Variants in CYRIB observed in about 807,000 individuals in gnomAD.
CYRIB encodes CYFIP related Rac1 interactor B.
CYRIB carries 8 observed loss-of-function variants against 44.2 expected under a neutral mutation model. The observed-to-expected ratio is 0.18, with a 90% CI of 0.11 to 0.33. The LOEUF is 0.33. Among genes scored for constraint, CYRIB ranks in the 10% least tolerant of loss-of-function variants. The probability of loss-of-function intolerance (pLI) is 1.00; values close to 1 mark genes in which losing one functional copy is unlikely to be tolerated. For missense variants in CYRIB, 185 were observed against 382.8 expected, an observed-to-expected ratio of 0.48 and a Z score of 4.31; for synonymous variants, 131 against 127.2, an observed-to-expected ratio of 1.03 and a Z score of -0.20.
At chr8:129,939,412 C>A (rs1257864056) in intron 1 of CYRIB, among the ~76,000 whole-genome samples, 1 of 148,726 alleles carries the variant, frequency 6.7e-6, no homozygotes, top group African/African-American at 2.5e-5. Context: ...GGGGGCAGGC[C>A]GGGGCCGCGG....
At chr8:129,905,224 T>C (rs766826569) in intron 1 of CYRIB, among the ~76,000 whole-genome samples, 61 of 151,560 alleles carry the variant, frequency 4.0e-4, no homozygotes, top group Non-Finnish European at 8.3e-4. Flanking sequence ...GATTGATTGA[T>C]TGATTGATTT....
intron 1 of CYRIB, among the ~76,000 whole-genome samples, chr8:129,973,101 C>T (rs1261876947): frequency 2.0e-5 from 3 of 152,134 alleles, no homozygotes; most frequent in Non-Finnish European, 2.9e-5. Flanking sequence ...TTAAACCGTC[C>T]CAGCCACCCA....
intron 3 of CYRIB, among the ~76,000 whole-genome samples, chr8:129,873,634 T>C (rs867673467): frequency 6.6e-6 from 1 of 152,164 alleles, no homozygotes; most frequent in Middle Eastern, 3.4e-3. Flanking sequence ...AGTTTAGCTA[T>C]TATATATCAA....
At chr8:129,981,330 T>C (rs1228179178) in intron 1 of CYRIB, among the ~76,000 whole-genome samples, 5 of 152,126 alleles carry the variant, frequency 3.3e-5, no homozygotes, top group African/African-American at 9.7e-5. Context: ...GTTGGTTGGT[T>C]GGTAAAGATG....
At chr8:129,978,042 G>A (rs1178897277) in intron 1 of CYRIB, among the ~76,000 whole-genome samples, 1 of 152,068 alleles carries the variant, frequency 6.6e-6, no homozygotes, top group Non-Finnish European at 1.5e-5. Context: ...CCGAGTAGCT[G>A]GGGTACTACT....
intron 2 of CYRIB, among the ~76,000 whole-genome samples, chr8:129,958,905 A>G (rs999548379): frequency 6.6e-6 from 1 of 151,984 alleles, no homozygotes; most frequent in East Asian, 1.9e-4. Context: ...TCTCTACTAA[A>G]GATACAAAAA....
At chr8:129,975,191 T>C (rs992072666) in intron 1 of CYRIB, among the ~76,000 whole-genome samples, 7 of 151,602 alleles carry the variant, frequency 4.6e-5, no homozygotes, top group African/African-American at 1.7e-4. Flanking sequence ...ATTTTTTTTA[T>C]TTCTTGTAGA....
chr8:129,868,765 G>C (rs1035054701), intron 4 of CYRIB: 1 of 151,396 alleles, frequency 6.6e-6, no homozygotes, highest in African/African-American at 2.4e-5. Flanking sequence ...GATTACAAAT[G>C]AATCTTAATA....
chr8:129,852,417 T>A (rs1197229454), intron 7 of CYRIB, 139 bp from the exon 10 acceptor site: 3 of 412,878 alleles, frequency 7.3e-6, no homozygotes, highest in African/African-American at 6.2e-5. Context: ...ATATTCTTTT[T>A]AAAAAAAAGT....
intron 1 of CYRIB, chr8:129,912,294 C>T (rs2078441724): frequency 6.6e-6 from 1 of 151,960 alleles, no homozygotes; most frequent in South Asian, 2.1e-4. Flanking sequence ...TATATATATG[C>T]TCCAAAATTA....
At chr8:129,943,018 C>T (rs1186449396), upstream of CYRIB, among the ~76,000 whole-genome samples, 2 of 151,892 alleles carry the variant, frequency 1.3e-5, no homozygotes, top group Non-Finnish European at 2.9e-5. Flanking sequence ...GTTTTAAAAC[C>T]CTATAGAGAA....
chr8:129,908,179 C>G (rs957131403), intron 1 of CYRIB, among the ~76,000 whole-genome samples: 1 of 151,504 alleles, frequency 6.6e-6, no homozygotes, highest in Non-Finnish European at 1.5e-5. Flanking sequence ...ATATAAAGCA[C>G]TATAAAAAAT....
At chr8:129,864,237 G>T (rs1169442458) in intron 4 of CYRIB, among the ~76,000 whole-genome samples, 1 of 152,158 alleles carries the variant, frequency 6.6e-6, no homozygotes, top group Non-Finnish European at 1.5e-5. Context: ...TAGAAATATT[G>T]TAACATTGAA....
intron 2 of CYRIB, among the ~76,000 whole-genome samples, chr8:129,968,616 T>C (rs559674761): frequency 6.6e-6 from 1 of 152,358 alleles, no homozygotes; most frequent in African/African-American, 2.4e-5. Flanking sequence ...GGAATGACTT[T>C]GCGTTCGCAG....
At chr8:129,911,225 G>A (rs970462587) in intron 1 of CYRIB, among the ~76,000 whole-genome samples, 2 of 152,154 alleles carry the variant, frequency 1.3e-5, no homozygotes, top group African/African-American at 4.8e-5. Flanking sequence ...ATAAGCCTGT[G>A]AACCTAATAG....
At position 129,919,012 on chromosome 8, in the gene CYRIB, A is replaced by G. The variant is rs183233065; in HGVS notation, c.-49-15662T>C. Reference sequence around the variant, plus strand: ...TAAGGTGTGTCCACCACCGTTTTACAGATAGTTTTTAAATTATTTTATTTT... The same window carrying G: ...TAAGGTGTGTCCACCACCGTTTTACGGATAGTTTTTAAATTATTTTATTTT... On this transcript the variant is annotated intron_variant, in intron 1 of 11. Transcript: ENST00000519824. 2.4e-3 allele frequency among the ~76,000 whole-genome samples: 358 copies of G among 152,330 alleles called. 5 individuals carry two copies. Among genetic ancestry groups the G allele is most frequent in the African/African-American group, 8.2e-3 (339 of 41,582 alleles).
intron 4 of CYRIB, among the ~76,000 whole-genome samples, chr8:129,869,003 A>G (rs1171792898): frequency 6.7e-6 from 1 of 148,824 alleles, no homozygotes; most frequent in Admixed American, 6.7e-5. Flanking sequence ...TTCAAGACCA[A>G]CTTGGCCAAC....
At chr8:129,855,577 T>A (rs1427637146) in intron 6 of CYRIB, 34 bp downstream of exon 8, 1 of 1,611,854 alleles carries the variant, frequency 6.2e-7, no homozygotes, top group Admixed American at 1.7e-5. Flanking sequence ...GATTCATGAT[T>A]TTCGTAACAA....
At chr8:129,954,688 G>T (rs531904892) in intron 2 of CYRIB, among the ~76,000 whole-genome samples, 2 of 152,080 alleles carry the variant, frequency 1.3e-5, no homozygotes, top group African/African-American at 2.4e-5. Flanking sequence ...ACTTGTCTAG[G>T]GGCACGATCC....
Sources: allele counts gnomAD v4.1 joint callset (sites outside exome capture counted in the v4.1 genomes callset), GRCh38; gene constraint gnomAD v4.1.1; transcripts MANE v1.5; gene names NCBI Gene and HGNC (gene_info 2026-07-23, HGNC 2026-07-21).